Variants in SPICE1 observed in about 807,000 individuals in gnomAD.
SPICE1 encodes spindle and centriole-associated protein 1.
In SPICE1, 75 loss-of-function variants were observed where a neutral mutation model predicts 102.7. The ratio of observed to expected loss-of-function variants is 0.73; its 90% CI spans 0.61 to 0.88. The LOEUF is 0.88. Among genes scored for constraint, SPICE1 ranks in the 40% least tolerant of loss-of-function variants. The pLI, the probability that SPICE1 is intolerant of heterozygous loss-of-function variation, is 0.00. For synonymous variants in SPICE1, 308 were observed against 350.3 expected (o/e 0.88, Z 1.35); for missense variants, 979 against 1,020.1 (o/e 0.96, Z 0.55).
At chr3:113,492,737 A>G (rs1482499969) in intron 6 of SPICE1, among the ~76,000 whole-genome samples, 3 of 152,214 alleles carry the variant, frequency 2.0e-5, no homozygotes, top group Non-Finnish European at 2.9e-5. Context: ...GAAGCAAAAC[A>G]CATTCTGAGC....
At chr3:113,474,855 AC>A (rs1262388174) in intron 7 of SPICE1, among the ~76,000 whole-genome samples, 1 of 152,186 alleles carries the variant, frequency 6.6e-6, no homozygotes, top group Non-Finnish European at 1.5e-5. Flanking sequence ...CAAAATTGAC[AC>A]CCTAACATCA....
intron 13 of SPICE1, among the ~76,000 whole-genome samples, 154 bp from the exon 14 acceptor site, chr3:113,454,104 C>T (rs777717720): frequency 2.6e-5 from 4 of 152,154 alleles, no homozygotes; most frequent in Admixed American, 6.5e-5. Flanking sequence ...AGAGAACACA[C>T]CAGCAATGCC....
intron 3 of SPICE1, 22 bp from the exon 4 acceptor site, chr3:113,499,604 A>C (rs1936970144): frequency 1.9e-6 from 3 of 1,561,400 alleles, no homozygotes; most frequent in African/African-American, 1.4e-5. Context: ...AGAAAAGTAC[A>C]TAAAGGAATG....
intron 7 of SPICE1, among the ~76,000 whole-genome samples, chr3:113,478,298 T>C (rs1018456591): frequency 6.6e-6 from 1 of 152,122 alleles, no homozygotes; most frequent in African/African-American, 2.4e-5. Flanking sequence ...CTGCATTGTA[T>C]ACAAGAGACA....
chr3:113,478,682 G>A (rs1398559019), intron 7 of SPICE1, among the ~76,000 whole-genome samples: 2 of 152,064 alleles, frequency 1.3e-5, no homozygotes, highest in Non-Finnish European at 2.9e-5. Context: ...ACCATTCTCA[G>A]AAGAAAAGAG....
chr3:113,487,496 T>C (rs941064237), intron 7 of SPICE1, among the ~76,000 whole-genome samples: 1 of 151,828 alleles, frequency 6.6e-6, no homozygotes, highest in African/African-American at 2.4e-5. Context: ...CCAAGTGCAA[T>C]AAACGCATCT....
chr3:113,509,014 T>C (rs1937166541), intron 1 of SPICE1, among the ~76,000 whole-genome samples: 1 of 152,198 alleles, frequency 6.6e-6, no homozygotes, highest in Non-Finnish European at 1.5e-5. Context: ...TTGGTATCAT[T>C]GATATGATGT....
At chr3:113,482,003 T>C (rs557543731) in intron 7 of SPICE1, among the ~76,000 whole-genome samples, 72 of 152,320 alleles carry the variant, frequency 4.7e-4, no homozygotes, top group African/African-American at 1.7e-3. Flanking sequence ...TCTTCCACAA[T>C]GGTTGAACTA....
chr3:113,466,286 C>G (rs1936054663), intron 10 of SPICE1, among the ~76,000 whole-genome samples: 1 of 152,150 alleles, frequency 6.6e-6, no homozygotes. Context: ...AATGGTTTAA[C>G]TTTGTAAAAC....
At chr3:113,512,436 G>A (rs1470258187) in intron 1 of SPICE1, among the ~76,000 whole-genome samples, 5 of 131,642 alleles carry the variant, frequency 3.8e-5, no homozygotes, top group South Asian at 2.4e-4. Flanking sequence ...TTGAGACGGA[G>A]TCTTGCTCTG....
chr3:113,490,102 T>A (rs1188330637), intron 6 of SPICE1, among the ~76,000 whole-genome samples: 1 of 152,138 alleles, frequency 6.6e-6, no homozygotes, highest in African/African-American at 2.4e-5. Flanking sequence ...TCACAGGAAG[T>A]GCAATACACT....
At chr3:113,448,559 C>T (rs894574968) in intron 15 of SPICE1, among the ~76,000 whole-genome samples, 4 of 152,050 alleles carry the variant, frequency 2.6e-5, no homozygotes, top group Admixed American at 6.5e-5. Context: ...TACATTATGA[C>T]TATTACTGAA....
intron 10 of SPICE1, among the ~76,000 whole-genome samples, chr3:113,467,293 T>C (rs1448876933): frequency 6.6e-6 from 1 of 152,154 alleles, no homozygotes; most frequent in East Asian, 1.9e-4. Context: ...ACAATTCTTT[T>C]TTTATTTTTA....
intron 7 of SPICE1, among the ~76,000 whole-genome samples, chr3:113,471,881 C>A (rs555655725): frequency 5.9e-5 from 9 of 152,202 alleles, no homozygotes; most frequent in Non-Finnish European, 1.2e-4. Flanking sequence ...TGGGTGATTT[C>A]TGCATTTCCA....
intron 7 of SPICE1, among the ~76,000 whole-genome samples, chr3:113,473,919 C>G (rs1048867786): frequency 6.6e-6 from 1 of 151,918 alleles, no homozygotes; most frequent in African/African-American, 2.4e-5. Flanking sequence ...ATGACAGGAT[C>G]AAATTCACAC....
At chr3:113,503,296 GA>G in intron 2 of SPICE1, 69 bp from the exon 3 acceptor site, 1 of 1,399,270 alleles carries the variant, frequency 7.1e-7, no homozygotes, top group Non-Finnish European at 9.5e-7. Flanking sequence ...ACATTTATTG[GA>G]TTTTAATGGC....
At chr3:113,457,391 A>G (rs778187998) in intron 12 of SPICE1, 34 bp from the exon 13 acceptor site, 1 of 1,596,602 alleles carries the variant, frequency 6.3e-7, no homozygotes, top group South Asian at 1.1e-5. Context: ...GTACAATAGG[A>G]ACAAAAAGAA....
intron 7 of SPICE1, among the ~76,000 whole-genome samples, chr3:113,475,375 T>C (rs1490949336): frequency 6.6e-6 from 1 of 152,098 alleles, no homozygotes; most frequent in Non-Finnish European, 1.5e-5. Context: ...ACTGGTACCA[T>C]TCCTTCTGAA....
Position 113,469,113 on chromosome 3 carries a change from G to A in SPICE1, c.737C>T (p.Ser246Leu). ...GGGAAACAAACCTCTTTGCTCCCCT[G>A]ATGAAAGAGCAGATGATGGCGTTCC... is the stretch of plus-strand genomic sequence containing the variant. ...PPGTPSSALS[S>L]GEQRAALNAT... Residue 246 changes from serine (S) to leucine (L), a missense_variant, in exon 8 of 18, where the codon TCA (serine) becomes TTA (leucine). By Grantham distance (145) the Ser-to-Leu change is moderately radical. Coordinates refer to ENST00000295872, the MANE Select transcript of SPICE1 (RefSeq NM_144718.4). 6.2e-7 allele frequency: 1 copy of A among 1,612,956 alleles called. No homozygotes were observed. Among genetic ancestry groups the A allele is most frequent in the Non-Finnish European group, 8.5e-7 (1 of 1,179,582 alleles).
Sources: allele counts gnomAD v4.1 joint callset (sites outside exome capture counted in the v4.1 genomes callset), GRCh38; gene constraint gnomAD v4.1.1; transcripts MANE v1.5; gene names NCBI Gene and HGNC (gene_info 2026-07-23, HGNC 2026-07-21).